Variants in RHOJ observed in about 807,000 individuals in gnomAD.
RHOJ encodes ras homolog family member J.
In RHOJ, 11 loss-of-function variants were observed where a neutral mutation model predicts 23.4. The ratio of observed to expected loss-of-function variants is 0.47; its 90% CI spans 0.30 to 0.78. The LOEUF is 0.78. RHOJ is among the 30% of genes least tolerant of loss of function. The pLI is 0.08. For missense variants in RHOJ, 254 were observed against 273.4 expected (o/e 0.93, Z 0.50); for synonymous variants, 102 against 102.7 (o/e 0.99, Z 0.04).
intron 1 of RHOJ, among the ~76,000 whole-genome samples, chr14:63,206,344 G>A (rs551083138): frequency 7.6e-4 from 116 of 152,252 alleles, no homozygotes; most frequent in Non-Finnish European, 1.5e-3. Flanking sequence ...TATGCCCAGA[G>A]AAGAACATTT....
intron 1 of RHOJ, among the ~76,000 whole-genome samples, chr14:63,263,573 C>G (rs1270614673): frequency 6.6e-6 from 1 of 152,080 alleles, no homozygotes; most frequent in Non-Finnish European, 1.5e-5. Flanking sequence ...CAAGCTCTGC[C>G]CCCTCTTTTT....
chr14:63,260,042 G>A (rs1476284121), intron 1 of RHOJ, among the ~76,000 whole-genome samples: 1 of 152,162 alleles, frequency 6.6e-6, no homozygotes, highest in Non-Finnish European at 1.5e-5. Flanking sequence ...GTTATTGAGA[G>A]CAGAAACACA....
At chr14:63,228,174 A>T (rs940040589) in intron 1 of RHOJ, among the ~76,000 whole-genome samples, 1 of 152,216 alleles carries the variant, frequency 6.6e-6, no homozygotes, top group Non-Finnish European at 1.5e-5. Context: ...TATGTTTCTC[A>T]TTCTAAATAA....
intron 1 of RHOJ, among the ~76,000 whole-genome samples, chr14:63,209,313 T>C (rs1737797506): frequency 6.6e-6 from 1 of 152,200 alleles, no homozygotes; most frequent in African/African-American, 2.4e-5. Flanking sequence ...TATATTATGT[T>C]GTATATGATG....
At chr14:63,231,867 G>T (rs1894701902) in intron 1 of RHOJ, among the ~76,000 whole-genome samples, 1 of 151,964 alleles carries the variant, frequency 6.6e-6, no homozygotes, top group Non-Finnish European at 1.5e-5. Flanking sequence ...ATTTTCTTTG[G>T]CTATGCTCAG....
intron 1 of RHOJ, among the ~76,000 whole-genome samples, chr14:63,246,813 G>A (rs1297085100): frequency 4.6e-5 from 7 of 152,108 alleles, no homozygotes; most frequent in South Asian, 2.1e-4. Flanking sequence ...GAATCTAAAC[G>A]TAGAAGTGAC....
intron 2 of RHOJ, among the ~76,000 whole-genome samples, chr14:63,276,240 G>C (rs910045801): frequency 6.6e-6 from 1 of 152,294 alleles, no homozygotes; most frequent in East Asian, 1.9e-4. Flanking sequence ...GTGGCACCTG[G>C]GAATGTGTAT....
intron 1 of RHOJ, among the ~76,000 whole-genome samples, chr14:63,238,318 A>G (rs1894824753): frequency 6.6e-6 from 1 of 152,238 alleles, no homozygotes; most frequent in Non-Finnish European, 1.5e-5. Context: ...TTAGGAAGCC[A>G]TGTAAACTGT....
At chr14:63,268,504 A>G (rs1273131659) in intron 1 of RHOJ, among the ~76,000 whole-genome samples, 1 of 152,246 alleles carries the variant, frequency 6.6e-6, no homozygotes, top group Non-Finnish European at 1.5e-5. Context: ...GTTCAAAATC[A>G]TAATGAATCA....
chr14:63,269,083 C>G (rs1566625718), intron 1 of RHOJ, 27 bp from the exon 2 acceptor site: 1 of 1,577,932 alleles, frequency 6.3e-7, no homozygotes, highest in East Asian at 2.2e-5. Flanking sequence ...GGACTCTCCT[C>G]TTCTTTTCTT....
intron 1 of RHOJ, among the ~76,000 whole-genome samples, chr14:63,234,791 C>T (rs1195780043): frequency 6.6e-6 from 1 of 151,976 alleles, no homozygotes; most frequent in East Asian, 1.9e-4. Context: ...ATTCTCTGTC[C>T]CCACAGAGCT....
chr14:63,264,055 G>A (rs550339607), intron 1 of RHOJ, among the ~76,000 whole-genome samples: 85 of 151,684 alleles, frequency 5.6e-4, no homozygotes, highest in African/African-American at 1.9e-3. Context: ...CATGGGTATC[G>A]TGAATGACAC....
intron 1 of RHOJ, among the ~76,000 whole-genome samples, chr14:63,250,646 CACAA>C (rs1895053737): frequency 2.0e-5 from 3 of 152,186 alleles, no homozygotes; most frequent in Admixed American, 2.0e-4. Flanking sequence ...CCACTATGCA[CACAA>C]ACACTGTGCT....
intron 1 of RHOJ, among the ~76,000 whole-genome samples, chr14:63,237,279 A>G (rs1384284375): frequency 6.6e-6 from 1 of 152,214 alleles, no homozygotes; most frequent in Non-Finnish European, 1.5e-5. Flanking sequence ...CCCGTATGAA[A>G]TAAGATGATA....
At chr14:63,286,702 C>T (rs1357241166) in intron 4 of RHOJ, among the ~76,000 whole-genome samples, 1 of 152,200 alleles carries the variant, frequency 6.6e-6, no homozygotes. Flanking sequence ...AACTGTTAAA[C>T]AGTCTCTTAG....
chr14:63,257,774 C>A (rs79069963), intron 1 of RHOJ, among the ~76,000 whole-genome samples: 19,753 of 148,480 alleles, frequency 0.13, 2,878 homozygotes, highest in African/African-American at 0.3. Context: ...CTGAATATCA[C>A]CCCTCCCCAG....
At chr14:63,239,651 G>A (rs964071293) in intron 1 of RHOJ, among the ~76,000 whole-genome samples, 1 of 152,210 alleles carries the variant, frequency 6.6e-6, no homozygotes, top group Non-Finnish European at 1.5e-5. Context: ...AAGCTGACTT[G>A]ACTGACCTAC....
At chr14:63,206,350 CA>C (rs1205069460) in intron 1 of RHOJ, among the ~76,000 whole-genome samples, 1 of 152,166 alleles carries the variant, frequency 6.6e-6, no homozygotes, top group African/African-American at 2.4e-5. Context: ...CAGAGAAGAA[CA>C]TTTTAATGAG....
Position 63,288,837 on chromosome 14 carries a change from C to A in RHOJ, c.499-2041C>A, listed in dbSNP as rs1414036529. ...TTAGGAAATAGTGTCTGGGCCCAAC[C>A]AAAACCACTTTATTTGATGGTTAGT... is the stretch of plus-strand genomic sequence containing the variant. On this transcript the variant is annotated intron_variant, in intron 4 of 4. Transcript: ENST00000316754. Among the ~76,000 whole-genome samples, 3 of 152,254 alleles carry A rather than the reference C, an allele frequency of 2.0e-5. No homozygotes were observed. In the East Asian group the frequency reaches 5.8e-4, roughly 29 times the overall value.
Sources: gnomAD v4.1 joint callset for allele counts (sites outside exome capture counted in the v4.1 genomes callset) on GRCh38, gnomAD v4.1.1 for gene constraint, MANE v1.5 for transcripts, NCBI Gene and HGNC (gene_info 2026-07-23, HGNC 2026-07-21) for gene names.